Variants in AIG1 observed in about 807,000 individuals in gnomAD.
AIG1 encodes androgen-induced gene 1 protein.
Under a neutral mutation model 31.4 loss-of-function variants are expected in AIG1, and 23 were observed. The observed-to-expected ratio is 0.73, with a 90% CI of 0.53 to 1.04. The LOEUF is 1.04. Among genes scored for constraint, AIG1 ranks in the 50% least tolerant of loss-of-function variants. The probability of loss-of-function intolerance (pLI) is 0.00; values close to 1 mark genes in which losing one functional copy is unlikely to be tolerated. For missense variants in AIG1, 274 were observed against 295.0 expected (o/e 0.93, Z 0.52); for synonymous variants, 100 against 110.5 (o/e 0.90, Z 0.60).
Position 143,303,149 on chromosome 6 carries a change from T to C in AIG1, c.515+18924T>C, listed in dbSNP as rs1240558481. On this transcript the variant is annotated intron_variant, in intron 4 of 5. Transcript: ENST00000357847. ...AGCCCTTTGTCAGATGAGTAGGTTGTGAAAATTTTCTCCCATTTTGTAGGT... is the reference window on the plus strand; with the variant it reads ...AGCCCTTTGTCAGATGAGTAGGTTGCGAAAATTTTCTCCCATTTTGTAGGT... Among the ~76,000 whole-genome samples, 4 of 152,124 alleles carry C rather than the reference T, an allele frequency of 2.6e-5. No individual in the cohort carries two copies. In the East Asian group the frequency reaches 7.7e-4, roughly 29 times the overall value.
chr6:143,173,086 C>T (rs1262727212), intron 3 of AIG1, among the ~76,000 whole-genome samples: 3 of 150,822 alleles, frequency 2.0e-5, no homozygotes, highest in African/African-American at 7.3e-5. Context: ...GACAGAGTTT[C>T]ACCCTGTTGC....
chr6:143,304,220 C>A (rs1280707079), intron 4 of AIG1, among the ~76,000 whole-genome samples: 2 of 151,186 alleles, frequency 1.3e-5, no homozygotes, highest in Admixed American at 6.6e-5. Flanking sequence ...CCTTTATTTC[C>A]TTCTCCTGCC....
At chr6:143,336,188 G>C (rs1420437862) in intron 5 of AIG1, among the ~76,000 whole-genome samples, 1 of 152,036 alleles carries the variant, frequency 6.6e-6, no homozygotes, top group African/African-American at 2.4e-5. Context: ...AATCCCCCAA[G>C]AAGAAGGAAG....
chr6:143,143,143 A>G (rs1235218689), intron 2 of AIG1, among the ~76,000 whole-genome samples: 4 of 152,108 alleles, frequency 2.6e-5, no homozygotes, highest in Non-Finnish European at 5.9e-5. Flanking sequence ...ATTTGATTCT[A>G]TTTGAGATTA....
chr6:143,334,096 G>A lies in AIG1; in HGVS notation c.679+651G>A, dbSNP rs1158088348. 6.5e-7 allele frequency: 1 copy of A among 1,550,356 alleles called. No homozygotes were observed. Among genetic ancestry groups the A allele is most frequent in the South Asian group, 1.2e-5 (1 of 83,978 alleles). On this transcript the variant is annotated intron_variant, in intron 5 of 5. Coordinates refer to ENST00000357847, the MANE Select transcript of AIG1 (RefSeq NM_016108.4). This position sits in a 1 kb window ranked among gnomAD's most constrained non-coding sequence, Gnocchi z 5.1. ...ATGGCAGAGCCTCCATCTTGGCAAG[G>A]CACGTAATCTTATCCAAGCTGTGCA...
chr6:143,134,907 A>G (rs1783597118), intron 1 of AIG1, among the ~76,000 whole-genome samples: 2 of 152,132 alleles, frequency 1.3e-5, no homozygotes, highest in African/African-American at 2.4e-5. Context: ...TAGATAGGCT[A>G]AGCTAAGCTA....
At chr6:143,314,886 G>A (rs894021372) in intron 4 of AIG1, among the ~76,000 whole-genome samples, 2 of 152,066 alleles carry the variant, frequency 1.3e-5, no homozygotes, top group East Asian at 1.9e-4. Flanking sequence ...AACTGTTCTT[G>A]GAGTTATTTC....
intron 3 of AIG1, among the ~76,000 whole-genome samples, chr6:143,231,958 G>A (rs1442002863): frequency 6.6e-6 from 1 of 152,172 alleles, no homozygotes; most frequent in South Asian, 2.1e-4. Flanking sequence ...AGATGAAAGG[G>A]AAATGTAGTC....
chr6:143,246,750 A>G (rs1285290339), intron 3 of AIG1, among the ~76,000 whole-genome samples: 1 of 152,230 alleles, frequency 6.6e-6, no homozygotes, highest in Non-Finnish European at 1.5e-5. Flanking sequence ...CTTGACAGCC[A>G]GTGAGAGAAT....
At chr6:143,095,408 C>A (rs1361727116) in intron 1 of AIG1, among the ~76,000 whole-genome samples, 1 of 152,090 alleles carries the variant, frequency 6.6e-6, no homozygotes, top group African/African-American at 2.4e-5. Context: ...TGGACTCATC[C>A]TGGCAAAGTT....
At position 143,293,816 on chromosome 6, in the gene AIG1, T is replaced by G. The variant is rs1294465391; in HGVS notation, c.515+9591T>G. ...CCTACAGCCATGCCTACACCACTGC[T>G]TCTTTTCCCCATAGTCTGCCCAAAT... On this transcript the variant is annotated intron_variant, in intron 4 of 5. Transcript: ENST00000357847. This position sits in a 1 kb window ranked among gnomAD's most constrained non-coding sequence, Gnocchi z 4.8. Among the ~76,000 whole-genome samples the G allele has an allele frequency of 6.6e-6, 1 of 152,086 alleles. No homozygotes were observed. The highest frequency in any genetic ancestry group is 1.5e-5 in the Non-Finnish European group (1 of 68,016).
chr6:143,133,831 A>G (rs1783487724), intron 1 of AIG1, among the ~76,000 whole-genome samples: 2 of 152,066 alleles, frequency 1.3e-5, no homozygotes, highest in Admixed American at 1.3e-4. Flanking sequence ...ATCCTCCATC[A>G]TGTTTCCTTG....
At chr6:143,071,656 C>CGTGGTGGTGGTGGTAGTGGTGGTG (rs1777272314) in intron 1 of AIG1, among the ~76,000 whole-genome samples, 3 of 151,582 alleles carry the variant, frequency 2.0e-5, no homozygotes, top group Non-Finnish European at 4.4e-5. Flanking sequence ...GATATCTCAT[C>CGTGGTGGTGGTGGTAGTGGTGGTG]GTGGTGGTGG....
At chr6:143,166,493 C>T (rs1786955807) in intron 3 of AIG1, among the ~76,000 whole-genome samples, 1 of 152,206 alleles carries the variant, frequency 6.6e-6, no homozygotes, top group African/African-American at 2.4e-5. Context: ...TTCCTAACTC[C>T]CCAAGCAAAG....
chr6:143,338,970 G>A lies in AIG1; in HGVS notation c.680-669G>A, dbSNP rs1777710189. ...TGAACATTTTCATCTTCAGGAACATGAAACATCATCGACTATTCTCTACAG... is the reference window on the plus strand; with the variant it reads ...TGAACATTTTCATCTTCAGGAACATAAAACATCATCGACTATTCTCTACAG... On this transcript the variant is annotated intron_variant, in intron 5 of 5. Transcript: ENST00000357847. This position sits in a 1 kb window ranked among gnomAD's most constrained non-coding sequence, Gnocchi z 4.3. The A allele has an allele frequency of 6.6e-6, 1 of 152,098 alleles. No homozygotes were observed. Among genetic ancestry groups the A allele is most frequent in the Non-Finnish European group, 1.5e-5 (1 of 68,002 alleles). 9.4% of individuals were successfully genotyped at this position (152,098 alleles called of 1,614,324 possible).
In AIG1 at chr6:143,328,756, C is replaced by T. The variant is rs929868132; in HGVS notation, c.516-4526C>T. ...TGTTATTTTTTTAATTGTACATAAACGTGAATGCAAACGGAGGTACATTTA... is the reference window on the plus strand; with the variant it reads ...TGTTATTTTTTTAATTGTACATAAATGTGAATGCAAACGGAGGTACATTTA... On this transcript the variant is annotated intron_variant, in intron 4 of 5. Coordinates refer to ENST00000357847, the MANE Select transcript of AIG1 (RefSeq NM_016108.4). The surrounding 1 kb of genome is among the most constrained non-coding windows in gnomAD (Gnocchi z 4.0). Among the ~76,000 whole-genome samples the T allele has an allele frequency of 2.0e-5, 3 of 152,036 alleles. No homozygotes were observed. Among genetic ancestry groups the T allele is most frequent in the Non-Finnish European group, 2.9e-5 (2 of 68,004 alleles).
At chr6:143,236,568 G>A (rs551177732) in intron 3 of AIG1, among the ~76,000 whole-genome samples, 1 of 152,198 alleles carries the variant, frequency 6.6e-6, no homozygotes, top group Admixed American at 6.5e-5. Context: ...CCTTCTGAGC[G>A]AGTCACACTC....
chr6:143,124,302 G>T (rs377598685), intron 1 of AIG1, among the ~76,000 whole-genome samples: 27 of 152,306 alleles, frequency 1.8e-4, no homozygotes, highest in African/African-American at 5.3e-4. Context: ...ACTCATCAGT[G>T]GTGTAGGTGT....
intron 3 of AIG1, among the ~76,000 whole-genome samples, chr6:143,184,241 C>A (rs952357217): frequency 2.6e-5 from 4 of 152,156 alleles, no homozygotes; most frequent in Non-Finnish European, 5.9e-5. Flanking sequence ...TTTCTGCAGC[C>A]CAAATTTCTC....
Sources: allele counts gnomAD v4.1 joint callset (sites outside exome capture counted in the v4.1 genomes callset), GRCh38; gene constraint gnomAD v4.1.1; non-coding constraint Gnocchi (gnomAD v3.1); transcripts MANE v1.5; gene names NCBI Gene and HGNC (gene_info 2026-07-23, HGNC 2026-07-21).